Variants in MCM5 observed in about 807,000 individuals in gnomAD.
MCM5 encodes the protein minichromosome maintenance complex component 5, also known as DNA replication licensing factor MCM5.
MCM5 carries 46 observed loss-of-function variants against 79.9 expected under a neutral mutation model. The ratio of observed to expected loss-of-function variants is 0.58; its 90% CI spans 0.45 to 0.74. MCM5 has a LOEUF of 0.74. Among genes scored for constraint, MCM5 ranks in the 30% least tolerant of loss-of-function variants. The pLI, the probability that MCM5 is intolerant of heterozygous loss-of-function variation, is 0.00. For missense variants in MCM5, 883 were observed against 1,017.0 expected (o/e 0.87, Z 1.79); for synonymous variants, 404 against 390.5 (o/e 1.03, Z -0.41).
the MCM5 span, among the ~76,000 whole-genome samples, chr22:35,438,491 C>CCATCCATCTATG: frequency 5.4e-5 from 8 of 149,182 alleles, no homozygotes; most frequent in African/African-American, 2.0e-4. Context: ...ATCCATCCAT[C>CCATCCATCTATG]CATCCATCCA....
At chr22:35,410,240 A>G (rs1289028101) in intron 6 of MCM5, 3 of 167,216 alleles carry the variant, frequency 1.8e-5, no homozygotes, top group South Asian at 1.3e-4. Context: ...TCAACATCTC[A>G]TTTTGAAAAC....
At chr22:35,437,315 C>G in the MCM5 span, among the ~76,000 whole-genome samples, 1 of 152,192 alleles carries the variant, frequency 6.6e-6, no homozygotes, top group Admixed American at 6.5e-5. Flanking sequence ...GCCAATCAGT[C>G]TTTGAGATTT....
chr22:35,403,198 C>T lies in MCM5; in HGVS notation c.168-9C>T. The stretch of plus-strand genomic sequence containing the variant: ...CTTCCTGCCCCACCCTGCTATGTGC[C>T]CACTCCAGGGATGAACTCAAGCGGC... On this transcript the variant is annotated splice_polypyrimidine_tract_variant and intron_variant, in intron 2 of 16. Coordinates refer to ENST00000216122, the MANE Select transcript of MCM5 (RefSeq NM_006739.4). The T allele has an allele frequency of 1.9e-6, 3 of 1,613,932 alleles. No individual in the cohort carries two copies. The highest frequency in any genetic ancestry group is 2.5e-6 in the Non-Finnish European group (3 of 1,179,916).
rs984122103 is a variant in MCM5, at chr22:35,417,023, C to T, written c.1590+209C>T. Among the ~76,000 whole-genome samples, 7 of 152,176 alleles carry T rather than the reference C, an allele frequency of 4.6e-5. No homozygotes were observed. In the South Asian group the frequency reaches 6.2e-4, roughly 14 times the overall value. On this transcript the variant is annotated intron_variant, in intron 12 of 16. Coordinates refer to ENST00000216122, the MANE Select transcript of MCM5 (RefSeq NM_006739.4). ...GTCCTGTGGCCTGCTCTGCCTCTGC[C>T]GTGAGTGATAAGCTGTGTGATTTGG...
chr22:35,401,501 C>T (rs1932050559), intron 2 of MCM5: 1 of 469,070 alleles, frequency 2.1e-6, no homozygotes, highest in Non-Finnish European at 4.4e-6. Flanking sequence ...TGAGAATTCT[C>T]ATAGGCCCGG....
the MCM5 span, among the ~76,000 whole-genome samples, chr22:35,441,302 G>C: frequency 1.8e-4 from 27 of 152,196 alleles, no homozygotes; most frequent in Non-Finnish European, 1.3e-4. Context: ...GGCCCTAGGG[G>C]CAGGGCTGGG....
At chr22:35,403,100 G>T in intron 2 of MCM5, 107 bp from the exon 3 acceptor site, 2 of 1,328,676 alleles carry the variant, frequency 1.5e-6, no homozygotes, top group Non-Finnish European at 2.1e-6. Flanking sequence ...GTGAGGTCAT[G>T]GTGGCTGTGG....
chr22:35,420,776 A>T (rs888661441), intron 14 of MCM5, among the ~76,000 whole-genome samples: 1 of 152,106 alleles, frequency 6.6e-6, no homozygotes, highest in African/African-American at 2.4e-5. Context: ...CACAAATACA[A>T]CCTGGTACAA....
At chr22:35,425,683 A>G (rs774464170), downstream of MCM5, among the ~76,000 whole-genome samples, 5 of 152,048 alleles carry the variant, frequency 3.3e-5, no homozygotes, top group South Asian at 2.1e-4. Flanking sequence ...CCAAGGCTGC[A>G]TCTCCGGTTC....
chr22:35,401,896 A>G (rs1169994899), intron 2 of MCM5: 4 of 361,326 alleles, frequency 1.1e-5, no homozygotes, highest in Non-Finnish European at 2.2e-5. Context: ...AGGTGTAGAA[A>G]GCTTTCTGTC....
At chr22:35,442,296 T>G in the MCM5 span, among the ~76,000 whole-genome samples, 1 of 151,430 alleles carries the variant, frequency 6.6e-6, no homozygotes, top group Non-Finnish European at 1.5e-5. Flanking sequence ...TGCGCTTCTC[T>G]CTCTGCTCTT....
intron 4 of MCM5, among the ~76,000 whole-genome samples, chr22:35,406,040 T>G (rs1246918431): frequency 6.6e-6 from 1 of 151,620 alleles, no homozygotes; most frequent in Non-Finnish European, 1.5e-5. Context: ...AGAAAAAATA[T>G]TACTGCCTTA....
the MCM5 span, among the ~76,000 whole-genome samples, chr22:35,431,042 G>A: frequency 6.6e-6 from 1 of 152,234 alleles, no homozygotes; most frequent in South Asian, 2.1e-4. Flanking sequence ...GCACCCACCC[G>A]GCCTGGCCTG....
chr22:35,413,865 C>A lies in MCM5; in HGVS notation c.1092-10C>A. ...ATTCTCACCTTGTCCATCTACCCTT[C>A]GTCCCCCAGGCTCCCTGATGGACTT... is the stretch of plus-strand genomic sequence containing the variant. On this transcript the variant is annotated splice_polypyrimidine_tract_variant and intron_variant, in intron 8 of 16. Coordinates refer to ENST00000216122, the MANE Select transcript of MCM5 (RefSeq NM_006739.4). 6.5e-7 allele frequency: 1 copy of A among 1,538,854 alleles called. No individual in the cohort carries two copies. The highest frequency in any genetic ancestry group is 9.0e-7 in the Non-Finnish European group (1 of 1,111,366).
At chr22:35,411,028 T>G (rs1932370004) in intron 7 of MCM5, 118 bp downstream of exon 7, 1 of 872,574 alleles carries the variant, frequency 1.1e-6, no homozygotes, top group East Asian at 2.7e-5. Flanking sequence ...GTTGCTCATA[T>G]CATTAGAACG....
chr22:35,408,118 T>C (rs1304989950), intron 5 of MCM5, among the ~76,000 whole-genome samples: 1 of 152,180 alleles, frequency 6.6e-6, no homozygotes, highest in East Asian at 1.9e-4. Context: ...GAGGACACCA[T>C]GATCCTGCAA....
In MCM5 at chr22:35,403,458, C is replaced by A; in HGVS notation, c.339C>A (p.Pro113=). The change falls in exon 4 of 17, where the codon CCC becomes CCA. Residue 113 remains proline (P), a synonymous_variant. Transcript: ENST00000216122. The part of the protein sequence containing the change: ...AKEVADEVTR[P]RPSGEEVLQD... The stretch of plus-strand genomic sequence containing the variant: ...AGGTAGCTGATGAGGTGACCCGGCC[C>A]CGGCCTTCTGGGGAGGAGGTGCTCC... 1 of 1,614,204 alleles carries A rather than the reference C, an allele frequency of 6.2e-7. No homozygotes were observed. Among genetic ancestry groups the A allele is most frequent in the Non-Finnish European group, 8.5e-7 (1 of 1,180,044 alleles).
Position 35,417,816 on chromosome 22 carries a change from G to T in MCM5, c.1663G>T (p.Asp555Tyr). 6.2e-7 allele frequency: 1 copy of T among 1,614,196 alleles called. No homozygotes were observed. The highest frequency in any genetic ancestry group is 1.1e-5 in the South Asian group (1 of 91,068). ...GACACAGGCTGTGGAGGGCGAGATT[G>T]ACCTGGCCAAGCTGAAGAAGTTTAT... is the stretch of plus-strand genomic sequence containing the variant. ...TQTQAVEGEI[D>Y]LAKLKKFIAY... The change falls in exon 13 of 17, where the codon GAC (aspartate) becomes TAC (tyrosine). Residue 555 changes from aspartate to tyrosine, a missense_variant. Asp to Tyr is a radical substitution (Grantham distance 160). Transcript: ENST00000216122.
At chr22:35,450,809 A>AG in the MCM5 span, among the ~76,000 whole-genome samples, 1 of 146,068 alleles carries the variant, frequency 6.8e-6, no homozygotes, top group Non-Finnish European at 1.5e-5. Context: ...ATCCAGAGAA[A>AG]AACCCGGGTC....
Sources: allele counts gnomAD v4.1 joint callset (sites outside exome capture counted in the v4.1 genomes callset), GRCh38; gene constraint gnomAD v4.1.1; transcripts MANE v1.5; gene names NCBI Gene and HGNC (gene_info 2026-07-23, HGNC 2026-07-21).